The following ERC2 variants were observed in gnomAD, a reference collection of about 807,000 sequenced individuals.
ERC2 encodes the protein ELKS/RAB6-interacting/CAST family member 2, also known as ERC protein 2.
Under a neutral mutation model 114.8 loss-of-function variants are expected in ERC2, and 42 were observed. The ratio of observed to expected loss-of-function variants is 0.37; its 90% confidence interval spans 0.29 to 0.47. ERC2 has a LOEUF of 0.47. Among genes scored for constraint, ERC2 ranks in the 20% least tolerant of loss-of-function variants. The pLI is 0.99. For synonymous variants in ERC2, 454 were observed against 425.5 expected, an observed-to-expected ratio of 1.07 and a Z score of -0.82; for missense variants, 939 against 1,150.7, an observed-to-expected ratio of 0.82 and a Z score of 2.66.
At chr3:55,959,760 A>C (rs1386986417) in intron 12 of ERC2, among the ~76,000 whole-genome samples, 1 of 152,112 alleles carries the variant, frequency 6.6e-6, no homozygotes, top group African/African-American at 2.4e-5. Context: ...TGGCCCTGGG[A>C]TGGTTATTTT....
At chr3:56,236,530 C>T (rs1427108749) in intron 3 of ERC2, among the ~76,000 whole-genome samples, 6 of 152,068 alleles carry the variant, frequency 3.9e-5, no homozygotes, top group Admixed American at 6.6e-5. Context: ...TGGGGCTTTT[C>T]GAGAACTTGT....
intron 7 of ERC2, among the ~76,000 whole-genome samples, chr3:56,072,898 T>C (rs1165759845): frequency 6.6e-6 from 1 of 152,166 alleles, no homozygotes; most frequent in Non-Finnish European, 1.5e-5. Flanking sequence ...AGCACCCCCC[T>C]AACAAATTAG....
In ERC2 at chr3:55,650,652, A is replaced by G. The variant is rs145563251; in HGVS notation, c.*39+33142T>C. Among the ~76,000 whole-genome samples the G allele has an allele frequency of 2.6e-3, 391 of 152,318 alleles. 3 individuals carry two copies. Among genetic ancestry groups the G allele is most frequent in the African/African-American group, 8.9e-3 (370 of 41,568 alleles). On this transcript the variant is annotated intron_variant, in intron 17 of 17. Coordinates refer to ENST00000288221, the MANE Select transcript of ERC2 (RefSeq NM_015576.3). ...TATTTACTGCTTGTTTACCTGGCAC[A>G]AAGACTGGCAAAAAGTAGGTGCTTA...
intron 2 of ERC2, among the ~76,000 whole-genome samples, chr3:56,307,950 C>T (rs1320632419): frequency 6.6e-6 from 1 of 152,126 alleles, no homozygotes; most frequent in Non-Finnish European, 1.5e-5. Context: ...TCTCACCAGA[C>T]CGTCGGCACA....
At chr3:56,112,767 G>A (rs1338764740) in intron 6 of ERC2, among the ~76,000 whole-genome samples, 1 of 152,160 alleles carries the variant, frequency 6.6e-6, no homozygotes, top group Non-Finnish European at 1.5e-5. Context: ...GATAATATAT[G>A]TTGAAGATTT....
At chr3:56,371,347 A>G (rs1037982465) in intron 2 of ERC2, among the ~76,000 whole-genome samples, 2 of 152,208 alleles carry the variant, frequency 1.3e-5, no homozygotes, top group Non-Finnish European at 2.9e-5. Flanking sequence ...TAATTAGCCC[A>G]TCTGCAGCTT....
intron 3 of ERC2, among the ~76,000 whole-genome samples, chr3:56,292,858 C>T (rs2055182526): frequency 6.6e-6 from 1 of 152,130 alleles, no homozygotes; most frequent in Admixed American, 6.5e-5. Flanking sequence ...TTCATACTGT[C>T]ACCCCCTCCA....
At chr3:55,829,129 T>C (rs2060462712) in intron 14 of ERC2, among the ~76,000 whole-genome samples, 1 of 152,074 alleles carries the variant, frequency 6.6e-6, no homozygotes, top group Non-Finnish European at 1.5e-5. Flanking sequence ...AGACCCTCTC[T>C]CAAAAAAAAT....
chr3:55,601,130 C>G (rs985409850), intron 17 of ERC2, among the ~76,000 whole-genome samples: 1 of 152,178 alleles, frequency 6.6e-6, no homozygotes, highest in Non-Finnish European at 1.5e-5. Context: ...GCTGGCTGGA[C>G]AAAGGAGATT....
intron 2 of ERC2, among the ~76,000 whole-genome samples, chr3:56,416,659 TAAAAAA>T (rs35915351): frequency 9.6e-6 from 1 of 104,304 alleles, no homozygotes; most frequent in African/African-American, 3.5e-5. Flanking sequence ...AAAACATGAT[TAAAAAA>T]AAAAAAAAAA....
At chr3:55,521,709 C>T (rs1337044425) in intron 17 of ERC2, among the ~76,000 whole-genome samples, 1 of 152,210 alleles carries the variant, frequency 6.6e-6, no homozygotes. Context: ...CTATGTGAGG[C>T]TGGGCTGGGG....
At chr3:56,068,753 C>T (rs1371199730) in intron 7 of ERC2, among the ~76,000 whole-genome samples, 2 of 152,176 alleles carry the variant, frequency 1.3e-5, no homozygotes, top group African/African-American at 4.8e-5. Context: ...TCTCTTTGCT[C>T]TCATTGGTTT....
At chr3:56,389,463 T>C (rs970630306) in intron 2 of ERC2, among the ~76,000 whole-genome samples, 1 of 152,130 alleles carries the variant, frequency 6.6e-6, no homozygotes, top group Non-Finnish European at 1.5e-5. Flanking sequence ...CCCCAGCTCA[T>C]GACAGTGGCA....
At chr3:56,159,600 T>C (rs2081943477) in intron 4 of ERC2, among the ~76,000 whole-genome samples, 1 of 152,168 alleles carries the variant, frequency 6.6e-6, no homozygotes. Flanking sequence ...GTATAAATGA[T>C]CCCATAACCC....
chr3:55,909,291 A>T (rs557225720), intron 13 of ERC2, among the ~76,000 whole-genome samples: 15 of 152,328 alleles, frequency 9.8e-5, no homozygotes, highest in African/African-American at 3.6e-4. Context: ...CCACATCAGG[A>T]CAGACTAAAA....
intron 3 of ERC2, chr3:56,185,050 T>C (rs2083507154): frequency 6.6e-6 from 1 of 152,210 alleles, no homozygotes; most frequent in South Asian, 2.1e-4. Context: ...AGCTTTCTAG[T>C]CCAAAGTTTT....
At chr3:56,311,288 T>TAC in intron 2 of ERC2, among the ~76,000 whole-genome samples, 1 of 74,756 alleles carries the variant, frequency 1.3e-5, no homozygotes, top group Non-Finnish European at 3.2e-5. Flanking sequence ...TATATATATA[T>TAC]ATACACACAT....
At chr3:55,844,339 A>G (rs1305856292) in intron 14 of ERC2, among the ~76,000 whole-genome samples, 1 of 152,248 alleles carries the variant, frequency 6.6e-6, no homozygotes, top group East Asian at 1.9e-4. Context: ...GAAACATTAT[A>G]TAATTGAAGA....
chr3:55,675,317 G>C (rs1423743958), intron 17 of ERC2, among the ~76,000 whole-genome samples: 1 of 152,214 alleles, frequency 6.6e-6, no homozygotes, highest in Non-Finnish European at 1.5e-5. Flanking sequence ...AAGAACACCA[G>C]GTAGCCACCA....
Sources: gnomAD v4.1 joint callset for allele counts (sites outside exome capture counted in the v4.1 genomes callset) on GRCh38, gnomAD v4.1.1 for gene constraint, MANE v1.5 for transcripts, NCBI Gene and HGNC (gene_info 2026-07-23, HGNC 2026-07-21) for gene names.